SAMD9L: variants seen among roughly 807,000 people sequenced by gnomAD.
The protein encoded by SAMD9L is sterile alpha motif domain-containing protein 9-like.
Under a neutral mutation model 90.7 loss-of-function variants are expected in SAMD9L, and 68 were observed. The observed-to-expected ratio is 0.75, with a 90% confidence interval of 0.62 to 0.92. The LOEUF (loss-of-function observed/expected upper bound fraction) is 0.92, where lower values mean the gene tolerates loss of function less well. SAMD9L is among the 40% of genes least tolerant of loss of function. The pLI, the probability that SAMD9L is intolerant of heterozygous loss-of-function variation, is 0.00. For missense variants in SAMD9L, 1,604 were observed against 1,824.3 expected, an observed-to-expected ratio of 0.88 and a Z score of 2.20; for synonymous variants, 640 against 630.1, an observed-to-expected ratio of 1.02 and a Z score of -0.23.
intron 4 of SAMD9L, among the ~76,000 whole-genome samples, chr7:93,137,630 G>A (rs188938514): frequency 4.0e-4 from 61 of 151,872 alleles, no homozygotes; most frequent in African/African-American, 1.4e-3. Context: ...CTACCCTGTG[G>A]AAAAATTGTC....
intron 4 of SAMD9L, among the ~76,000 whole-genome samples, chr7:93,143,077 G>A (rs990156078): frequency 6.6e-6 from 1 of 152,164 alleles, no homozygotes; most frequent in African/African-American, 2.4e-5. Flanking sequence ...TTGTGTCTTT[G>A]TGTTACCTGA....
In SAMD9L at chr7:93,130,242, A is replaced by G. The variant is rs1052773102; in HGVS notation, c.*975T>C. ...TCCTTGACACTGAAAACTTGAGAACACATATTACCATGAGGAAGCCCTCTA... is the reference window on the plus strand; with the variant it reads ...TCCTTGACACTGAAAACTTGAGAACGCATATTACCATGAGGAAGCCCTCTA... On this transcript the variant is annotated 3_prime_UTR_variant, in exon 5 of 5. Transcript: ENST00000318238. 2.6e-5 allele frequency: 4 copies of G among 152,130 alleles called. No individual in the cohort carries two copies. Among genetic ancestry groups the G allele is most frequent in the Non-Finnish European group, 5.9e-5 (4 of 68,026 alleles). 9.4% of individuals were successfully genotyped at this position (152,130 alleles called of 1,614,324 possible). A position where few individuals can be genotyped will look rare whatever the true frequency, so the allele number is the denominator to read the frequency against.
chr7:93,134,965 T>G lies in SAMD9L; in HGVS notation c.1007A>C (p.Asn336Thr), dbSNP rs756958110. Reference protein sequence around the residue: ...QICKDKIWKQNQNLSLFVREG... With the variant: ...QICKDKIWKQTQNLSLFVREG... The stretch of plus-strand genomic sequence containing the variant: ...TCTTACAAACAGTGAAAGATTTTGG[T>G]TTTGTTTCCATATTTTATCTTTACA... Residue 336 changes from asparagine to threonine, a missense_variant, in exon 5 of 5, where the codon AAC (asparagine) becomes ACC (threonine). Asn to Thr is a moderately conservative substitution (Grantham distance 65, BLOSUM62 0). This residue lies in a region of SAMD9L where 374 missense variants were observed against 363.6 expected (regional missense o/e 1.03). Transcript: ENST00000318238. 5.0e-6 allele frequency: 8 copies of G among 1,613,644 alleles called. No homozygotes were observed. The highest frequency in any genetic ancestry group is 6.8e-6 in the Non-Finnish European group (8 of 1,179,698).
chr7:93,134,602 T>C lies in SAMD9L; in HGVS notation c.1370A>G (p.Lys457Arg), dbSNP rs1201620541. 2 of 1,614,026 alleles carry C rather than the reference T, an allele frequency of 1.2e-6. No individual in the cohort carries two copies. Among genetic ancestry groups the C allele is most frequent in the East Asian group, 2.2e-5 (1 of 44,874 alleles). ...DPESMINGVV[K>R]AYKESRVANL... is the part of the protein sequence containing the mutation. Reference sequence around the variant, plus strand: ...TGCCACCCGACTTTCTTTGTAAGCTTTGACCACTCCATTGATCATAGATTC... The same window carrying C: ...TGCCACCCGACTTTCTTTGTAAGCTCTGACCACTCCATTGATCATAGATTC... The change falls in exon 5 of 5, where the codon AAA becomes AGA. Residue 457 changes from lysine (K) to arginine (R), a missense_variant. By Grantham distance (26) the Lys-to-Arg change is conservative. Coordinates refer to ENST00000318238, the MANE Select transcript of SAMD9L (RefSeq NM_152703.5).
rs1792334783 is a variant in SAMD9L at position 93,134,695 on chromosome 7, G to A, written c.1277C>T (p.Pro426Leu). The change falls in exon 5 of 5, where the codon CCA becomes CTA. Residue 426 changes from proline (P) to leucine (L), a missense_variant. Physicochemically the swap from Pro to Leu is moderately conservative, Grantham distance 98. Transcript: ENST00000318238. ...WYILVTNKCH[P>L]NQIKHLDFLK... ...AAAATCTAAGTGCTTTATTTGGTTT[G>A]GATGGCATTTATTTGTTACAAGAAT... 1 of 1,613,538 alleles carries A rather than the reference G, an allele frequency of 6.2e-7. No homozygotes were observed. The highest frequency in any genetic ancestry group is 8.5e-7 in the Non-Finnish European group (1 of 1,179,808).
chr7:93,134,870 G>T lies in SAMD9L; in HGVS notation c.1102C>A (p.Gln368Lys). 3.1e-6 allele frequency: 5 copies of T among 1,613,788 alleles called. No individual in the cohort carries two copies. Among genetic ancestry groups the T allele is most frequent in the Non-Finnish European group, 4.2e-6 (5 of 1,179,886 alleles). ...QRDVDFKAFL[Q>K]NLKSLVASRK... ...GATGCTACCAGTGACTTTAAATTTT[G>T]TAAAAATGCCTTGAAATCTACATCC... is the stretch of plus-strand genomic sequence containing the variant. Residue 368 changes from glutamine (Q) to lysine (K), a missense_variant, in exon 5 of 5, where the codon CAA becomes AAA. Around this residue, in one of 7 missense-constraint regions of SAMD9L, gnomAD observed 606 missense variants for 717.6 expected, o/e 0.84. Coordinates refer to ENST00000318238, the MANE Select transcript of SAMD9L (RefSeq NM_152703.5).
At chr7:93,139,091 A>G (rs889148851) in intron 4 of SAMD9L, among the ~76,000 whole-genome samples, 10 of 152,172 alleles carry the variant, frequency 6.6e-5, no homozygotes, top group African/African-American at 2.4e-4. Context: ...ATTTTGTATT[A>G]AATACATTTT....
intron 4 of SAMD9L, 39 bp from the exon 5 acceptor site, chr7:93,136,030 C>G: frequency 7.5e-7 from 1 of 1,330,250 alleles, no homozygotes; most frequent in Non-Finnish European, 1.0e-6. Context: ...TAGAATTATA[C>G]TTTATTTTTA....
chr7:93,136,686 A>G (rs1214285327), intron 4 of SAMD9L, among the ~76,000 whole-genome samples: 2 of 152,234 alleles, frequency 1.3e-5, no homozygotes, highest in Admixed American at 1.3e-4. Context: ...AATTATTGAT[A>G]TGAGGCTAAT....
At position 93,133,383 on chromosome 7, in the gene SAMD9L, G is replaced by A; in HGVS notation, c.2589C>T (p.Ser863=). Residue 863 remains serine (S), a synonymous_variant, in exon 5 of 5, where the codon TCC becomes TCT. Transcript: ENST00000318238. ...DSIALNYQLS[S]KEQRAFGAKL... The stretch of plus-strand genomic sequence containing the variant: ...TGGCACCAAAAGCTCTTTGTTCCTT[G>A]GAAGAAAGTTGGTAATTTAGTGCAA... 1 of 1,613,694 alleles carries A rather than the reference G, an allele frequency of 6.2e-7. No individual in the cohort carries two copies. Among genetic ancestry groups the A allele is most frequent in the Non-Finnish European group, 8.5e-7 (1 of 1,179,724 alleles).
chr7:93,139,607 A>C (rs943664028), intron 4 of SAMD9L, among the ~76,000 whole-genome samples: 1 of 152,240 alleles, frequency 6.6e-6, no homozygotes, highest in Non-Finnish European at 1.5e-5. Flanking sequence ...TCTCCCTTGC[A>C]GCCCTCAGAA....
In SAMD9L at chr7:93,134,878, G is replaced by A. The variant is rs1422649057; in HGVS notation, c.1094C>T (p.Ala365Val). 6.2e-7 allele frequency: 1 copy of A among 1,613,866 alleles called. No individual in the cohort carries two copies. The highest frequency in any genetic ancestry group is 8.5e-7 in the Non-Finnish European group (1 of 1,179,920). Reference protein sequence around the residue: ...NSKQRDVDFKAFLQNLKSLVA... With the variant: ...NSKQRDVDFKVFLQNLKSLVA... ...CAGTGACTTTAAATTTTGTAAAAAT[G>A]CCTTGAAATCTACATCCCGTTGCTT... is the stretch of plus-strand genomic sequence containing the variant. The change falls in exon 5 of 5, where the codon GCA (alanine) becomes GTA (valine). Residue 365 changes from alanine to valine, a missense_variant. By Grantham distance (64) the Ala-to-Val change is moderately conservative. This residue lies in a region of SAMD9L where 606 missense variants were observed against 717.6 expected (regional missense o/e 0.84). Coordinates refer to ENST00000318238, the MANE Select transcript of SAMD9L (RefSeq NM_152703.5).
At chr7:93,141,595 T>C (rs1032733088) in intron 4 of SAMD9L, among the ~76,000 whole-genome samples, 10 of 152,246 alleles carry the variant, frequency 6.6e-5, no homozygotes, top group Admixed American at 5.2e-4. Context: ...TTTTCACTCA[T>C]TGTATTAGCA....
intron 3 of SAMD9L, 49 bp downstream of exon 3, chr7:93,145,336 G>A (rs1014963257): frequency 1.3e-5 from 2 of 152,174 alleles, no homozygotes; most frequent in African/African-American, 4.8e-5. Flanking sequence ...TTTAAAGATA[G>A]CTTTTAAAGA....
Position 93,134,384 on chromosome 7 carries a change from A to G in SAMD9L, c.1588T>C (p.Leu530=). The G allele has an allele frequency of 6.2e-7, 1 of 1,612,576 alleles. No homozygotes were observed. The highest frequency in any genetic ancestry group is 1.1e-5 in the South Asian group (1 of 90,708). ...ATTATATTTTCATCTGTGAGAAATA[A>G]AATTAGTTTCCTGACTTCTGAAGCT... ...ERASEVRKLI[L]FLTDENIMTR... The change falls in exon 5 of 5, where the codon TTA becomes CTA. Residue 530 remains leucine (L), a synonymous_variant. Coordinates refer to ENST00000318238, the MANE Select transcript of SAMD9L (RefSeq NM_152703.5).
rs2116494001 is a variant in SAMD9L, at chr7:93,134,235, A to G, written c.1737T>C (p.Cys579=). 1 of 1,613,578 alleles carries G rather than the reference A, an allele frequency of 6.2e-7. No individual in the cohort carries two copies. The highest frequency in any genetic ancestry group is 8.5e-7 in the Non-Finnish European group (1 of 1,179,800). ...QALKGMENML[C]ISVNSHIYQR... is the part of the protein sequence containing the mutation. ...GATAAATATGTGAGTTTACAGAGAT[A>G]CACAACATATTTTCCATTCCTTTGA... Residue 579 remains cysteine, a synonymous_variant, in exon 5 of 5, where the codon TGT becomes TGC. Transcript: ENST00000318238.
chr7:93,131,212 T>A lies in SAMD9L; in HGVS notation c.*5A>T. The A allele has an allele frequency of 6.9e-7, 1 of 1,439,996 alleles. No individual in the cohort carries two copies. The highest frequency in any genetic ancestry group is 9.4e-7 in the Non-Finnish European group (1 of 1,066,660). 89.2% of individuals were successfully genotyped at this position (1,439,996 alleles called of 1,614,324 possible). ...ACGTATTTGAACTACAGGTGATGTA[T>A]TGTCTTAAATTACTTCTATATCATA... On this transcript the variant is annotated 3_prime_UTR_variant, in exon 5 of 5. Coordinates refer to ENST00000318238, the MANE Select transcript of SAMD9L (RefSeq NM_152703.5).
Position 93,134,515 on chromosome 7 carries a change from G to GTAGA in SAMD9L, c.1453_1456dup (p.Thr486IlefsTer4). ...GCTGGGCTGTTGGTAAAGATTAAGA[G>GTAGA]TAGAAATCTTCTCCCACATGTTAGT... On this transcript the variant is annotated frameshift_variant, in exon 5 of 5. Coordinates refer to ENST00000318238, the MANE Select transcript of SAMD9L (RefSeq NM_152703.5). LOFTEE classifies it high-confidence loss of function. The GTAGA allele has an allele frequency of 6.2e-7, 1 of 1,613,942 alleles. No individual in the cohort carries two copies. The highest frequency in any genetic ancestry group is 1.7e-5 in the Admixed American group (1 of 59,992).
chr7:93,132,309 A>G lies in SAMD9L; in HGVS notation c.3663T>C (p.Asn1221=). The G allele has an allele frequency of 6.2e-7, 1 of 1,613,734 alleles. No homozygotes were observed. Among genetic ancestry groups the G allele is most frequent in the Admixed American group, 1.7e-5 (1 of 59,920 alleles). The change falls in exon 5 of 5, where the codon AAT becomes AAC. Residue 1221 remains asparagine (N), a synonymous_variant. Coordinates refer to ENST00000318238, the MANE Select transcript of SAMD9L (RefSeq NM_152703.5). ...LQLTPFFHKE[N]ELSKKHMVQF... ...GCACCATATGTTTTTTGGATAATTC[A>G]TTTTCTTTGTGGAAAAAGGGAGTGA...
Sources: allele counts gnomAD v4.1 joint callset (sites outside exome capture counted in the v4.1 genomes callset), GRCh38; gene constraint gnomAD v4.1.1; regional missense constraint gnomAD v4.1.1; transcripts MANE v1.5; gene names NCBI Gene and HGNC (gene_info 2026-07-23, HGNC 2026-07-21).